LAMB3: variants seen among roughly 807,000 people sequenced by gnomAD.
LAMB3 encodes the protein laminin subunit beta-3.
LAMB3 carries 104 observed loss-of-function variants against 140.3 expected under a neutral mutation model. That is an observed-to-expected ratio of 0.74 (90% CI 0.63 to 0.87). The LOEUF is 0.87. LAMB3 is among the 40% of genes least tolerant of loss of function. LAMB3 has a pLI of 0.00. For synonymous variants in LAMB3, 592 were observed against 602.9 expected (o/e 0.98, Z 0.26); for missense variants, 1,531 against 1,575.2 (o/e 0.97, Z 0.47).
intron 18 of LAMB3, among the ~76,000 whole-genome samples, chr1:209,621,439 G>A (rs1301449051): frequency 2.0e-5 from 3 of 152,154 alleles, no homozygotes; most frequent in African/African-American, 2.4e-5. Flanking sequence ...AGGGGACTTC[G>A]GCCTATCTGG....
At chr1:209,640,301 G>GCA (rs2076456684) in intron 3 of LAMB3, among the ~76,000 whole-genome samples, 1 of 152,200 alleles carries the variant, frequency 6.6e-6, no homozygotes, top group Non-Finnish European at 1.5e-5. Flanking sequence ...TGTAATCCCA[G>GCA]CACTTTAGGA....
rs148603717 is a variant in LAMB3, at chr1:209,634,607, C to T, written c.404G>A (p.Arg135His). The T allele has an allele frequency of 4.0e-5, 65 of 1,614,022 alleles. No individual in the cohort carries two copies. The highest frequency in any genetic ancestry group is 1.7e-4 in the Admixed American group (10 of 60,016). The change falls in exon 6 of 23, where the codon CGC becomes CAC. Residue 135 changes from arginine (R) to histidine (H), a missense_variant. Transcript: ENST00000356082. ...CCAGGTCTTACCGAAGTCTGAGGAGCGCTCAATCAGCATGCCGGCGGGCAT... is the reference window on the plus strand; with the variant it reads ...CCAGGTCTTACCGAAGTCTGAGGAGTGCTCAATCAGCATGCCGGCGGGCAT... ...GPMPAGMLIE[R>H]SSDFGKTWRV...
chr1:209,649,685 G>T (rs1400983018), intron 3 of LAMB3, among the ~76,000 whole-genome samples: 1 of 152,176 alleles, frequency 6.6e-6, no homozygotes, highest in Non-Finnish European at 1.5e-5. Context: ...AGACTATCCT[G>T]CCCATGCCCA....
rs544342029 is a variant in LAMB3 at position 209,615,641 on chromosome 1, C to CCTGG, written c.3383-238_3383-235dup. Among the ~76,000 whole-genome samples, 235 of 152,328 alleles carry CCTGG rather than the reference C, an allele frequency of 1.5e-3. 1 individual carries two copies. The highest frequency in any genetic ancestry group is 5.5e-3 in the African/African-American group (228 of 41,572). Reference sequence around the variant, plus strand: ...CAGCAGGCTCCCACTCCTAATTATCCCTGGGCCCCTGACCCTCTGGGCTCT... The same window carrying CCTGG: ...CAGCAGGCTCCCACTCCTAATTATCCCTGGCTGGGCCCCTGACCCTCTGGGCTCT... On this transcript the variant is annotated intron_variant, in intron 22 of 22. Transcript: ENST00000356082.
chr1:209,615,139 C>T lies in LAMB3; in HGVS notation c.*132G>A, dbSNP rs1032008103. On this transcript the variant is annotated 3_prime_UTR_variant, in exon 23 of 23. Transcript: ENST00000356082. Reference sequence around the variant, plus strand: ...TCAGGGTAATCTTACTAGCTACACACCAGGGGTGGTCCAGGCTGTACTTTA... The same window carrying T: ...TCAGGGTAATCTTACTAGCTACACATCAGGGGTGGTCCAGGCTGTACTTTA... 9 of 1,132,410 alleles carry T rather than the reference C, an allele frequency of 7.9e-6. No individual in the cohort carries two copies. The African/African-American group carries it at 1.2e-4, about 15-fold the overall frequency. 70.1% of individuals were successfully genotyped at this position (1,132,410 alleles called of 1,614,324 possible).
At chr1:209,627,291 C>T in intron 12 of LAMB3, 92 bp downstream of exon 12, 1 of 1,060,862 alleles carries the variant, frequency 9.4e-7, no homozygotes, top group Non-Finnish European at 1.4e-6. Flanking sequence ...AGGGGAGAGG[C>T]CTAGAAGGGC....
chr1:209,623,914 C>T lies in LAMB3; in HGVS notation c.2063G>A (p.Ser688Asn), dbSNP rs551762609. ...LPRDLESLDRSFNGLLTMYQR... is the reference protein window; with the variant it reads ...LPRDLESLDRNFNGLLTMYQR... ...ATACATAGTAAGGAGACCATTGAAG[C>T]TTCTGTCAAGACTCTCCAGGTCTCT... Residue 688 changes from serine to asparagine, a missense_variant, in exon 15 of 23, where the codon AGC (serine) becomes AAC (asparagine). Ser to Asn is a conservative substitution (Grantham distance 46). Coordinates refer to ENST00000356082, the MANE Select transcript of LAMB3 (RefSeq NM_000228.3). This position sits in a 1 kb window ranked among gnomAD's most constrained non-coding sequence, Gnocchi z 4.2. 6.2e-7 allele frequency: 1 copy of T among 1,614,160 alleles called. No homozygotes were observed. Among genetic ancestry groups the T allele is most frequent in the Admixed American group, 1.7e-5 (1 of 60,032 alleles).
At chr1:209,645,061 C>T (rs755849975) in intron 3 of LAMB3, among the ~76,000 whole-genome samples, 46 of 152,218 alleles carry the variant, frequency 3.0e-4, no homozygotes, top group Non-Finnish European at 5.9e-4. Context: ...TTTAACCTCA[C>T]AAGGCCTACC....
chr1:209,632,704 G>A lies in LAMB3; in HGVS notation c.701C>T (p.Pro234Leu). 6.2e-7 allele frequency: 1 copy of A among 1,614,244 alleles called. No homozygotes were observed. The highest frequency in any genetic ancestry group is 8.5e-7 in the Non-Finnish European group (1 of 1,180,030). Reference protein sequence around the residue: ...LAPVPQRGYHPPSAYYAVSQL... With the variant: ...LAPVPQRGYHLPSAYYAVSQL... ...GGACACAGCATAGTAGGCGCTGGGAGGGTGGTAGCCCCTTTGGGGCACAGG... is the reference window on the plus strand; with the variant it reads ...GGACACAGCATAGTAGGCGCTGGGAAGGTGGTAGCCCCTTTGGGGCACAGG... The change falls in exon 8 of 23, where the codon CCT (proline) becomes CTT (leucine). Residue 234 changes from proline to leucine, a missense_variant. Pro to Leu is a moderately conservative substitution (Grantham distance 98). Coordinates refer to ENST00000356082, the MANE Select transcript of LAMB3 (RefSeq NM_000228.3).
intron 6 of LAMB3, 113 bp from the exon 7 acceptor site, chr1:209,633,246 G>A: frequency 1.3e-6 from 1 of 791,570 alleles, no homozygotes; most frequent in Non-Finnish European, 2.2e-6. Context: ...CTTGTTACCT[G>A]GAACCTGAGA....
In LAMB3 at chr1:209,623,406, A is replaced by G; in HGVS notation, c.2358+99T>C. The G allele has an allele frequency of 1.6e-6, 2 of 1,249,048 alleles. No individual in the cohort carries two copies. The highest frequency in any genetic ancestry group is 2.3e-6 in the Non-Finnish European group (2 of 852,096). 77.4% of individuals were successfully genotyped at this position (1,249,048 alleles called of 1,614,324 possible). A position where few individuals can be genotyped will look rare whatever the true frequency, so the allele number is the denominator to read the frequency against. On this transcript the variant is annotated intron_variant, in intron 16 of 22. Transcript: ENST00000356082. This position sits in a 1 kb window ranked among gnomAD's most constrained non-coding sequence, Gnocchi z 4.2. The stretch of plus-strand genomic sequence containing the variant: ...ATGGCTGGGGGAGTGGGGTTCTCAC[A>G]GGGGCAGATCTGCCCTAATAGGAAG...
chr1:209,645,333 A>T (rs1211832632), intron 3 of LAMB3, among the ~76,000 whole-genome samples: 2 of 152,148 alleles, frequency 1.3e-5, no homozygotes, highest in African/African-American at 4.8e-5. Flanking sequence ...TTAAACAAGG[A>T]ACTCAGTAAT....
chr1:209,620,266 T>C (rs1024001085), intron 18 of LAMB3, among the ~76,000 whole-genome samples: 5 of 152,074 alleles, frequency 3.3e-5, no homozygotes, highest in African/African-American at 1.2e-4. Flanking sequence ...GAGCTGGAAA[T>C]CTAATGGGAG....
At chr1:209,633,433 T>C (rs916054011) in intron 6 of LAMB3, among the ~76,000 whole-genome samples, 35 of 152,096 alleles carry the variant, frequency 2.3e-4, no homozygotes, top group African/African-American at 7.7e-4. Flanking sequence ...CATCTACATA[T>C]AAGGGTTTAG....
intron 3 of LAMB3, among the ~76,000 whole-genome samples, chr1:209,644,234 A>G (rs1230642751): frequency 6.6e-6 from 1 of 152,196 alleles, no homozygotes; most frequent in African/African-American, 2.4e-5. Flanking sequence ...GATACTTTCA[A>G]CTTTGTGTTT....
chr1:209,625,816 C>A lies in LAMB3; in HGVS notation c.1808G>T (p.Arg603Leu), dbSNP rs114651102. 1.9e-6 allele frequency: 3 copies of A among 1,614,124 alleles called. No individual in the cohort carries two copies. Among genetic ancestry groups the A allele is most frequent in the African/African-American group, 2.7e-5 (2 of 75,052 alleles). Residue 603 changes from arginine to leucine, a missense_variant, in exon 14 of 23, where the codon CGC becomes CTC. By Grantham distance (102) the Arg-to-Leu change is moderately radical (BLOSUM62 -2). Coordinates refer to ENST00000356082, the MANE Select transcript of LAMB3 (RefSeq NM_000228.3). ...TGACCACAGGCTGGCGGTGGCATTG[C>A]GGAGTCTACCAAAGCGCAGGGCCTG... is the stretch of plus-strand genomic sequence containing the variant. The part of the protein sequence containing the change: ...REQALRFGRL[R>L]NATASLWSGP...
intron 3 of LAMB3, among the ~76,000 whole-genome samples, chr1:209,644,751 C>T (rs2076500999): frequency 6.6e-6 from 1 of 152,242 alleles, no homozygotes. Flanking sequence ...GCAACCTCAA[C>T]TTCAGCACAG....
intron 3 of LAMB3, among the ~76,000 whole-genome samples, chr1:209,642,551 C>G (rs2076478268): frequency 6.6e-6 from 1 of 152,198 alleles, no homozygotes; most frequent in African/African-American, 2.4e-5. Context: ...GATCTCTGCT[C>G]ACTGCAACCC....
intron 9 of LAMB3, 50 bp downstream of exon 9, chr1:209,630,564 GC>G (rs931556973): frequency 6.8e-6 from 11 of 1,609,838 alleles, no homozygotes; most frequent in African/African-American, 1.3e-5. Flanking sequence ...GCCTAGAGGG[GC>G]CAGCACTCGA....
Sources: gnomAD v4.1 joint callset for allele counts (sites outside exome capture counted in the v4.1 genomes callset) on GRCh38, gnomAD v4.1.1 for gene constraint, Gnocchi (gnomAD v3.1) non-coding constraint, MANE v1.5 for transcripts, NCBI Gene and HGNC (gene_info 2026-07-23, HGNC 2026-07-21) for gene names.